The following TENM2 variants were observed in gnomAD, a reference collection of about 807,000 sequenced individuals.
TENM2 encodes teneurin-2.
Under a neutral mutation model 245.2 loss-of-function variants are expected in TENM2, and 52 were observed. The observed-to-expected ratio is 0.21, with a 90% confidence interval of 0.17 to 0.27. TENM2 has a LOEUF of 0.27. Among genes scored for constraint, TENM2 ranks in the 10% least tolerant of loss-of-function variants. The probability of loss-of-function intolerance (pLI) is 1.00; values close to 1 mark genes in which losing one functional copy is unlikely to be tolerated. For missense variants in TENM2, 3,046 were observed against 3,666.8 expected (o/e 0.83, Z 4.37); for synonymous variants, 1,363 against 1,438.9 (o/e 0.95, Z 1.19).
intron 6 of TENM2, among the ~76,000 whole-genome samples, chr5:168,053,062 C>G (rs951883348): frequency 1.3e-5 from 2 of 152,120 alleles, no homozygotes; most frequent in African/African-American, 4.8e-5. Flanking sequence ...ATGATCACTT[C>G]CCTATATGGG....
the TENM2 span, among the ~76,000 whole-genome samples, chr5:167,096,436 G>A: frequency 6.6e-6 from 1 of 151,968 alleles, no homozygotes; most frequent in Non-Finnish European, 1.5e-5. Context: ...ACCCTTTTAC[G>A]GTGGCCCCGA....
intron 3 of TENM2, among the ~76,000 whole-genome samples, chr5:167,923,741 A>C (rs564045247): frequency 6.6e-6 from 1 of 152,218 alleles, no homozygotes; most frequent in Non-Finnish European, 1.5e-5. Context: ...CTCTGCCCAC[A>C]TAGCTCCCTC....
chr5:167,531,597 C>G (rs938982513), intron 2 of TENM2, among the ~76,000 whole-genome samples: 1 of 152,020 alleles, frequency 6.6e-6, no homozygotes, highest in East Asian at 1.9e-4. Context: ...TATTCATCCT[C>G]TCTAACTGAA....
intron 4 of TENM2, among the ~76,000 whole-genome samples, chr5:167,973,819 G>A (rs1377349015): frequency 4.6e-5 from 7 of 152,074 alleles, no homozygotes; most frequent in Non-Finnish European, 1.0e-4. Flanking sequence ...CACCTTCTGG[G>A]TGCAGTCAAG....
At chr5:167,752,179 C>T (rs1582913440) in intron 2 of TENM2, among the ~76,000 whole-genome samples, 1 of 151,944 alleles carries the variant, frequency 6.6e-6, no homozygotes, top group African/African-American at 2.4e-5. Context: ...ACTGCAACCT[C>T]CACCTCCTGG....
chr5:167,909,756 T>C (rs775748055), intron 3 of TENM2, among the ~76,000 whole-genome samples: 7 of 152,274 alleles, frequency 4.6e-5, no homozygotes, highest in Non-Finnish European at 1.0e-4. Flanking sequence ...AAAAATAAAA[T>C]TTTGAACAAG....
intron 9 of TENM2, among the ~76,000 whole-genome samples, chr5:168,103,913 G>A (rs1306053721): frequency 2.0e-5 from 3 of 152,206 alleles, no homozygotes; most frequent in African/African-American, 2.4e-5. Context: ...AGCAAGTGCC[G>A]AGACAGGTGC....
At chr5:167,591,959 A>G (rs1482090573) in intron 2 of TENM2, among the ~76,000 whole-genome samples, 2 of 152,220 alleles carry the variant, frequency 1.3e-5, no homozygotes, top group African/African-American at 4.8e-5. Context: ...TCAAAATAAA[A>G]TAGGAGAACT....
intron 23 of TENM2, 104 bp downstream of exon 25, chr5:168,219,103 C>A: frequency 5.1e-6 from 6 of 1,174,990 alleles, no homozygotes; most frequent in Non-Finnish European, 7.2e-6. Context: ...GTCACGTTGT[C>A]TTTCTAACTT....
chr5:167,410,986 C>A (rs1011584991), intron 2 of TENM2, among the ~76,000 whole-genome samples: 1 of 151,984 alleles, frequency 6.6e-6, no homozygotes, highest in Non-Finnish European at 1.5e-5. Context: ...ATTAGATGAA[C>A]CTTTGTTCCC....
chr5:167,472,473 T>G (rs571242245), intron 2 of TENM2, among the ~76,000 whole-genome samples: 1 of 152,340 alleles, frequency 6.6e-6, no homozygotes, highest in South Asian at 2.1e-4. Context: ...ATGACTGTCC[T>G]GAATGACTAA....
At chr5:167,355,119 C>T (rs1002603544) in intron 1 of TENM2, among the ~76,000 whole-genome samples, 4 of 152,118 alleles carry the variant, frequency 2.6e-5, no homozygotes, top group Non-Finnish European at 5.9e-5. Context: ...TGTCTGTTTC[C>T]GTAGTTGGTT....
chr5:168,190,488 G>T lies in TENM2; in HGVS notation c.2721G>T (p.Lys907Asn), dbSNP rs1275673423. The T allele has an allele frequency of 1.9e-6, 3 of 1,614,032 alleles. No homozygotes were observed. Among genetic ancestry groups the T allele is most frequent in the Non-Finnish European group, 2.5e-6 (3 of 1,179,888 alleles). ...TGAAGTCCTTCTATGACCGTATCAA[G>T]CTCTTGGCAGGCAAGGATAGCACCC... Residue 907 changes from lysine to asparagine, a missense_variant, in exon 14 of 29, where the codon AAG (lysine) becomes AAT (asparagine). By Grantham distance (94) the Lys-to-Asn change is moderately conservative. Around this residue, in one of 2 missense-constraint regions of TENM2, gnomAD observed 2,704 missense variants for 3,331.9 expected, o/e 0.81. Coordinates refer to ENST00000518659, the Ensembl canonical transcript of TENM2.
chr5:168,062,082 C>A, exon 7 of TENM2: 1 of 1,610,462 alleles, frequency 6.2e-7, no homozygotes, highest in Non-Finnish European at 8.5e-7. Flanking sequence ...TGAAAAACAG[C>A]AGCATAGACA....
intron 13 of TENM2, among the ~76,000 whole-genome samples, chr5:168,182,802 C>T (rs1760027931): frequency 1.3e-5 from 2 of 151,322 alleles, no homozygotes; most frequent in Non-Finnish European, 2.9e-5. Context: ...GCCCTGATCC[C>T]TGTTCCTCCC....
the TENM2 span, among the ~76,000 whole-genome samples, chr5:167,198,850 G>A: frequency 2.0e-5 from 3 of 151,976 alleles, no homozygotes; most frequent in Non-Finnish European, 2.9e-5. Flanking sequence ...CAGCAACAGC[G>A]GCAGGAGAAA....
rs1180370912 is a variant in TENM2, at chr5:167,981,905, C to T, written c.948-11039C>T. Among the ~76,000 whole-genome samples the T allele has an allele frequency of 4.7e-5, 7 of 148,856 alleles. No individual in the cohort carries two copies. In the South Asian group the frequency reaches 6.4e-4, roughly 14 times the overall value. On this transcript the variant is annotated intron_variant, in intron 4 of 28. Coordinates refer to ENST00000518659, the Ensembl canonical transcript of TENM2. ...AGGAGAATTGCTTGAACCTGGGAGGCGGAGGTTGCCATGAGCTGACATCAC... is the reference window on the plus strand; with the variant it reads ...AGGAGAATTGCTTGAACCTGGGAGGTGGAGGTTGCCATGAGCTGACATCAC...
intron 3 of TENM2, among the ~76,000 whole-genome samples, chr5:167,926,483 GC>G (rs1490845495): frequency 6.6e-6 from 1 of 152,112 alleles, no homozygotes; most frequent in East Asian, 1.9e-4. Context: ...ACTTTGGGAG[GC>G]CAAGGCGGAC....
intron 2 of TENM2, among the ~76,000 whole-genome samples, chr5:167,562,075 A>G (rs1443636672): frequency 6.6e-6 from 1 of 152,192 alleles, no homozygotes; most frequent in Non-Finnish European, 1.5e-5. Context: ...TGGCTGTGCC[A>G]GCTTCCCTGA....
Sources: gnomAD v4.1 joint callset for allele counts (sites outside exome capture counted in the v4.1 genomes callset) on GRCh38, gnomAD v4.1.1 for gene constraint, gnomAD v4.1.1 regional missense constraint, MANE v1.5 for transcripts, NCBI Gene and HGNC (gene_info 2026-07-23, HGNC 2026-07-21) for gene names.